EFCAB6: variants seen among roughly 807,000 people sequenced by gnomAD.
EFCAB6 encodes EF-hand calcium-binding domain-containing protein 6.
In EFCAB6, 156 loss-of-function variants were observed where a neutral mutation model predicts 169.8. That is an observed-to-expected ratio of 0.92 (90% CI 0.81 to 1.05). The LOEUF (loss-of-function observed/expected upper bound fraction) is 1.05. Ranked by LOEUF, EFCAB6 falls within the 50% of genes least tolerant of loss-of-function variation. EFCAB6 has a pLI of 0.00. For synonymous variants in EFCAB6, 698 were observed against 676.4 expected, an observed-to-expected ratio of 1.03 and a Z score of -0.50; for missense variants, 1,800 against 1,829.1, an observed-to-expected ratio of 0.98 and a Z score of 0.29.
intron 20 of EFCAB6, among the ~76,000 whole-genome samples, chr22:43,617,366 C>G (rs1187023907): frequency 6.6e-6 from 1 of 152,242 alleles, no homozygotes; most frequent in East Asian, 1.9e-4. Context: ...GCTATCTCAG[C>G]AAAGTCAGTA....
At chr22:43,549,219 T>G (rs2048247597) in intron 27 of EFCAB6, among the ~76,000 whole-genome samples, 2 of 151,988 alleles carry the variant, frequency 1.3e-5, no homozygotes, top group Admixed American at 1.3e-4. Context: ...GCGGAAGGAA[T>G]AATAAAGATA....
chr22:43,564,907 C>T (rs982987357), intron 26 of EFCAB6, among the ~76,000 whole-genome samples: 2 of 152,138 alleles, frequency 1.3e-5, no homozygotes, highest in African/African-American at 2.4e-5. Flanking sequence ...CAACTAAAGC[C>T]GCAGAGCTGG....
chr22:43,783,560 C>G (rs534679426), intron 2 of EFCAB6, among the ~76,000 whole-genome samples: 1 of 152,274 alleles, frequency 6.6e-6, no homozygotes, highest in East Asian at 1.9e-4. Flanking sequence ...AGATACTGTT[C>G]CCAGGCATTT....
intron 20 of EFCAB6, among the ~76,000 whole-genome samples, chr22:43,620,307 T>C (rs188731345): frequency 1.2e-3 from 183 of 150,968 alleles, no homozygotes; most frequent in African/African-American, 4.3e-3. Context: ...AGAGAGCTAG[T>C]TAAAAAAAGA....
At chr22:43,548,453 T>C (rs767394518) in intron 27 of EFCAB6, among the ~76,000 whole-genome samples, 5 of 140,342 alleles carry the variant, frequency 3.6e-5, no homozygotes, top group Non-Finnish European at 7.5e-5. Context: ...GGCAGGAGAA[T>C]TGCTTGAACC....
At chr22:43,683,888 G>A (rs2058093546) in intron 11 of EFCAB6, 33 bp from the exon 12 acceptor site, 1 of 1,508,490 alleles carries the variant, frequency 6.6e-7, no homozygotes, top group African/African-American at 1.4e-5. Flanking sequence ...GCAGGAATAA[G>A]ATTATGTTCT....
intron 26 of EFCAB6, chr22:43,570,004 A>G (rs12628215): frequency 6.6e-6 from 1 of 152,252 alleles, no homozygotes; most frequent in East Asian, 1.9e-4. Flanking sequence ...CAATAAAAAG[A>G]AAGATAAATT....
In EFCAB6 at chr22:43,672,264, G is replaced by A; in HGVS notation, c.1461C>T (p.Phe487=). 1.2e-6 allele frequency: 2 copies of A among 1,614,172 alleles called. No homozygotes were observed. The highest frequency in any genetic ancestry group is 1.7e-5 in the Admixed American group (1 of 60,020). ...TACTTACTGAATCCCAGGCCAGGAG[G>A]AAAGGTGTCTTAGCATCTGTACAGG... ...TSPCTDAKTP[F]LLAWDSVEEI... Residue 487 remains phenylalanine, a synonymous_variant, in exon 14 of 32, where the codon TTC becomes TTT. Transcript: ENST00000262726.
At chr22:43,576,890 T>G (rs1386247929) in intron 25 of EFCAB6, among the ~76,000 whole-genome samples, 3 of 152,148 alleles carry the variant, frequency 2.0e-5, no homozygotes, top group African/African-American at 7.2e-5. Context: ...CCTTTAAGTA[T>G]TAATTAGTTG....
At chr22:43,644,043 C>T (rs1431012868) in intron 17 of EFCAB6, among the ~76,000 whole-genome samples, 1 of 151,988 alleles carries the variant, frequency 6.6e-6, no homozygotes, top group Non-Finnish European at 1.5e-5. Flanking sequence ...CGGCTGGTCT[C>T]CAACTCCTGA....
At chr22:43,589,787 C>CA in intron 24 of EFCAB6, among the ~76,000 whole-genome samples, 1 of 151,818 alleles carries the variant, frequency 6.6e-6, no homozygotes, top group Non-Finnish European at 1.5e-5. Flanking sequence ...GACTCCATCT[C>CA]AAAAAAACAA....
intron 8 of EFCAB6, among the ~76,000 whole-genome samples, chr22:43,720,409 G>C (rs1021873127): frequency 6.6e-6 from 1 of 151,954 alleles, no homozygotes; most frequent in South Asian, 2.1e-4. Context: ...CTACTCGGGA[G>C]GCTGAGGCAG....
chr22:43,651,796 T>A (rs2056482196), intron 17 of EFCAB6, among the ~76,000 whole-genome samples: 2 of 152,182 alleles, frequency 1.3e-5, no homozygotes, highest in South Asian at 4.1e-4. Flanking sequence ...TCAAAGGAGA[T>A]CATTTTAGAG....
chr22:43,804,562 C>T (rs1479918428), intron 2 of EFCAB6, among the ~76,000 whole-genome samples: 1 of 152,016 alleles, frequency 6.6e-6, no homozygotes, highest in African/African-American at 2.4e-5. Context: ...AGTTCAAAAC[C>T]AGCCTGGGCA....
At chr22:43,721,654 T>C (rs2059530534) in intron 8 of EFCAB6, among the ~76,000 whole-genome samples, 2 of 152,224 alleles carry the variant, frequency 1.3e-5, no homozygotes, top group African/African-American at 2.4e-5. Flanking sequence ...AAGTTCTCCC[T>C]ATTAAATAAA....
At chr22:43,716,698 T>C (rs1195455376) in intron 9 of EFCAB6, 150 bp downstream of exon 9, 4 of 815,280 alleles carry the variant, frequency 4.9e-6, no homozygotes, top group African/African-American at 1.8e-5. Context: ...ATTGCTGTTA[T>C]TGGGAGGTAG....
At chr22:43,667,306 C>T in intron 16 of EFCAB6, 34 bp from the exon 17 acceptor site, 1 of 1,604,952 alleles carries the variant, frequency 6.2e-7, no homozygotes, top group East Asian at 2.2e-5. Context: ...GACCCAGTGT[C>T]AACTGACACA....
At chr22:43,755,090 TC>T (rs2060906504) in intron 6 of EFCAB6, among the ~76,000 whole-genome samples, 1 of 152,162 alleles carries the variant, frequency 6.6e-6, no homozygotes, top group African/African-American at 2.4e-5. Context: ...TCAGAAGAGT[TC>T]AAAAAAGAAA....
chr22:43,730,870 C>T (rs936113724), intron 8 of EFCAB6, among the ~76,000 whole-genome samples: 3 of 152,116 alleles, frequency 2.0e-5, no homozygotes, highest in African/African-American at 7.2e-5. Flanking sequence ...CAGGCTAAAA[C>T]CTGAGAATCT....
Sources: gnomAD v4.1 joint callset for allele counts (sites outside exome capture counted in the v4.1 genomes callset) on GRCh38, gnomAD v4.1.1 for gene constraint, MANE v1.5 for transcripts, NCBI Gene and HGNC (gene_info 2026-07-23, HGNC 2026-07-21) for gene names.